Variants in KDM4A observed in about 807,000 individuals in gnomAD.
The protein encoded by KDM4A is lysine-specific demethylase 4A.
A neutral mutation model predicts 127.1 loss-of-function variants in KDM4A; 23 were observed. The ratio of observed to expected loss-of-function variants is 0.18; its 90% confidence interval spans 0.13 to 0.26. The LOEUF is 0.26. Ranked by LOEUF, KDM4A falls within the 10% of genes least tolerant of loss-of-function variation. The pLI is 1.00. For synonymous variants in KDM4A, 443 were observed against 466.5 expected (o/e 0.95, Z 0.65); for missense variants, 890 against 1,329.1 (o/e 0.67, Z 5.14).
intron 19 of KDM4A, among the ~76,000 whole-genome samples, chr1:43,700,540 A>G (rs1479840599): frequency 6.6e-6 from 1 of 151,976 alleles, no homozygotes; most frequent in Admixed American, 6.6e-5. Context: ...TTAAGAGATG[A>G]TGTCTTGCTT....
At chr1:43,671,026 T>C (rs1158488038) in intron 10 of KDM4A, among the ~76,000 whole-genome samples, 1 of 152,244 alleles carries the variant, frequency 6.6e-6, no homozygotes, top group Non-Finnish European at 1.5e-5. Context: ...GTGAAGTATA[T>C]ATAAGTTGTG....
intron 11 of KDM4A, among the ~76,000 whole-genome samples, chr1:43,679,546 T>C (rs1468001879): frequency 6.6e-6 from 1 of 152,158 alleles, no homozygotes; most frequent in Non-Finnish European, 1.5e-5. Flanking sequence ...CCCCAAGCTG[T>C]AATCTGGGCT....
intron 11 of KDM4A, among the ~76,000 whole-genome samples, chr1:43,673,157 A>G (rs1660665497): frequency 6.6e-6 from 1 of 152,038 alleles, no homozygotes; most frequent in African/African-American, 2.4e-5. Context: ...GTCAGATGCC[A>G]CTGGACCCCC....
rs1324372539 is a variant in KDM4A, at chr1:43,653,266, A to G, written c.91A>G (p.Ile31Val). The G allele has an allele frequency of 6.2e-7, 1 of 1,613,794 alleles. No individual in the cohort carries two copies. The highest frequency in any genetic ancestry group is 8.5e-7 in the Non-Finnish European group (1 of 1,179,830). ...MEEFRNFSRY[I>V]AYIESQGAHR... ...AGAGTTCCGAAACTTCAGTAGATAC[A>G]TTGCCTACATTGAATCCCAAGGAGC... The change falls in exon 2 of 22, where the codon ATT becomes GTT. Residue 31 changes from isoleucine (I) to valine (V), a missense_variant. Around this residue, in one of 7 missense-constraint regions of KDM4A, gnomAD observed 35 missense variants for 27.7 expected, o/e 1.26. Coordinates refer to ENST00000372396, the MANE Select transcript of KDM4A (RefSeq NM_014663.3).
chr1:43,658,502 A>ATTTTT (rs10686056), intron 3 of KDM4A, among the ~76,000 whole-genome samples: 5 of 131,820 alleles, frequency 3.8e-5, no homozygotes, highest in African/African-American at 1.5e-4. Flanking sequence ...ACTTAGTCAG[A>ATTTTT]TTTTTTTTTT....
At chr1:43,691,475 T>C in intron 14 of KDM4A, 21 bp from the exon 15 acceptor site, 1 of 1,604,372 alleles carries the variant, frequency 6.2e-7, no homozygotes, top group South Asian at 1.1e-5. Context: ...TTTAATTTGC[T>C]CATCTTGGTG....
chr1:43,703,821 C>T, intron 20 of KDM4A, 85 bp downstream of exon 20: 2 of 1,552,106 alleles, frequency 1.3e-6, no homozygotes, highest in Non-Finnish European at 1.8e-6. Flanking sequence ...AGTCTTTGCT[C>T]TTAGGAGAAC....
chr1:43,701,475 T>C (rs1431881890), intron 19 of KDM4A, among the ~76,000 whole-genome samples: 1 of 152,186 alleles, frequency 6.6e-6, no homozygotes, highest in Non-Finnish European at 1.5e-5. Flanking sequence ...AGTCACTTTT[T>C]TCTTTTTTTA....
At chr1:43,658,905 G>A (rs1344322237) in intron 3 of KDM4A, among the ~76,000 whole-genome samples, 1 of 151,842 alleles carries the variant, frequency 6.6e-6, no homozygotes, top group Non-Finnish European at 1.5e-5. Context: ...CTCCCAAAGT[G>A]TTGGGATTAC....
chr1:43,683,884 GC>G (rs1345935545), intron 12 of KDM4A, 80 bp downstream of exon 12: 1 of 1,538,852 alleles, frequency 6.5e-7, no homozygotes, highest in African/African-American at 1.4e-5. Flanking sequence ...AGAAGGCCAA[GC>G]TGAGGGATAA....
chr1:43,654,555 T>C (rs934973272), intron 2 of KDM4A, among the ~76,000 whole-genome samples: 18 of 152,074 alleles, frequency 1.2e-4, no homozygotes, highest in Non-Finnish European at 1.5e-5. Flanking sequence ...ATGTCGACTG[T>C]CTTGTTAATT....
chr1:43,670,371 T>C (rs942948230), intron 10 of KDM4A, among the ~76,000 whole-genome samples: 1 of 152,140 alleles, frequency 6.6e-6, no homozygotes, highest in Admixed American at 6.6e-5. Context: ...TATTGACAGA[T>C]AAAATCGTGC....
intron 16 of KDM4A, 140 bp downstream of exon 16, chr1:43,692,451 C>T: frequency 1.4e-6 from 1 of 721,584 alleles, no homozygotes; most frequent in South Asian, 1.8e-5. Flanking sequence ...ATAGCATCTC[C>T]AAGACTCATT....
rs1424546704 is a variant in KDM4A, at chr1:43,705,436, T to TA, written c.*1067dup. ...ATTTATAATACTTCCCCTTTTTTGT[T>TA]ACGTATGAACACTATAAACCAAATT... On this transcript the variant is annotated 3_prime_UTR_variant, in exon 22 of 22. Coordinates refer to ENST00000372396, the MANE Select transcript of KDM4A (RefSeq NM_014663.3). 1 of 152,658 alleles carries TA rather than the reference T, an allele frequency of 6.6e-6. No individual in the cohort carries two copies. The highest frequency in any genetic ancestry group is 2.4e-5 in the African/African-American group (1 of 41,454). The allele number at this position is 152,658 out of a possible 1,614,324, so 9.5% of individuals were successfully genotyped here. A position where few individuals can be genotyped will look rare whatever the true frequency, so the allele number is the denominator to read the frequency against.
chr1:43,674,626 C>T lies in KDM4A; in HGVS notation c.1734+2751C>T, dbSNP rs922200104. On this transcript the variant is annotated intron_variant, in intron 11 of 21. Transcript: ENST00000372396. ...CCACCTCCTGGGTTCAAGTGATTCT[C>T]GTGCCCCAGCCTCCCGAGTAGCTGG... Among the ~76,000 whole-genome samples the T allele has an allele frequency of 5.9e-5, 9 of 151,662 alleles. No individual in the cohort carries two copies. The South Asian group carries it at 6.2e-4, about 10-fold the overall frequency.
chr1:43,682,942 G>A (rs966382922), intron 11 of KDM4A, among the ~76,000 whole-genome samples: 1 of 152,148 alleles, frequency 6.6e-6, no homozygotes, highest in African/African-American at 2.4e-5. Context: ...TTTTAAATAC[G>A]TTGATTAGAA....
intron 11 of KDM4A, among the ~76,000 whole-genome samples, chr1:43,682,058 T>C (rs1185972435): frequency 2.0e-5 from 3 of 152,194 alleles, no homozygotes; most frequent in Non-Finnish European, 4.4e-5. Flanking sequence ...AGCCTTGACC[T>C]TCCGGGCTCA....
chr1:43,659,334 A>G (rs1437912343), intron 3 of KDM4A, among the ~76,000 whole-genome samples: 3 of 152,040 alleles, frequency 2.0e-5, no homozygotes, highest in South Asian at 4.1e-4. Context: ...TTTTTGAGAC[A>G]GAGTTTTACT....
Position 43,694,234 on chromosome 1 carries a change from A to G in KDM4A, c.2484+132A>G, listed in dbSNP as rs1661187302. The stretch of plus-strand genomic sequence containing the variant: ...ACTCTGTGGTTAGATTCCTTAGTGG[A>G]GGCCAGGTGTGGTGGCTCACACCTG... On this transcript the variant is annotated intron_variant, in intron 17 of 21. Coordinates refer to ENST00000372396, the MANE Select transcript of KDM4A (RefSeq NM_014663.3). This position sits in a 1 kb window ranked among gnomAD's most constrained non-coding sequence, Gnocchi z 5.2. The G allele has an allele frequency of 1.4e-6, 1 of 720,228 alleles. No homozygotes were observed. Among genetic ancestry groups the G allele is most frequent in the South Asian group, 1.8e-5 (1 of 55,036 alleles). 44.6% of individuals were successfully genotyped at this position (720,228 alleles called of 1,614,324 possible).
Sources: allele counts gnomAD v4.1 joint callset (sites outside exome capture counted in the v4.1 genomes callset), GRCh38; gene constraint gnomAD v4.1.1; regional missense constraint gnomAD v4.1.1; non-coding constraint Gnocchi (gnomAD v3.1); transcripts MANE v1.5; gene names NCBI Gene and HGNC (gene_info 2026-07-23, HGNC 2026-07-21).